The following PSD2 variants were observed in gnomAD, a reference collection of about 807,000 sequenced individuals.
The protein encoded by PSD2 is pleckstrin and Sec7 domain containing 2, also known as PH and SEC7 domain-containing protein 2.
PSD2 carries 38 observed loss-of-function variants against 69.8 expected under a neutral mutation model. The ratio of observed to expected loss-of-function variants is 0.54; its 90% confidence interval spans 0.42 to 0.71. The LOEUF (loss-of-function observed/expected upper bound fraction) is 0.71, where lower values mean the gene tolerates loss of function less well. Ranked by LOEUF, PSD2 falls within the 30% of genes least tolerant of loss-of-function variation. The probability of loss-of-function intolerance (pLI) is 0.00; values close to 1 mark genes in which losing one functional copy is unlikely to be tolerated. For missense variants in PSD2, 943 were observed against 1,014.5 expected (o/e 0.93, Z 0.96); for synonymous variants, 412 against 423.0 (o/e 0.97, Z 0.32).
At chr5:139,830,000 C>CTTT (rs929113143) in intron 7 of PSD2, among the ~76,000 whole-genome samples, 1 of 110,514 alleles carries the variant, frequency 9.0e-6, no homozygotes, top group Non-Finnish European at 1.9e-5. Context: ...CAACCCTTTT[C>CTTT]TTTTTTTTTG....
In PSD2 at chr5:139,839,249, C is replaced by T. The variant is rs536272565; in HGVS notation, c.1968+477C>T. On this transcript the variant is annotated intron_variant, in intron 13 of 14. Transcript: ENST00000274710. The surrounding 1 kb of genome is among the most constrained non-coding windows in gnomAD (Gnocchi z 5.1). ...GGAGAGGACAGGAGAAATGGTGGCCCGGAGCTTGAGAGGTAGAGGGCAGCG... is the reference window on the plus strand; with the variant it reads ...GGAGAGGACAGGAGAAATGGTGGCCTGGAGCTTGAGAGGTAGAGGGCAGCG... 3.3e-5 allele frequency among the ~76,000 whole-genome samples: 5 copies of T among 152,356 alleles called. No individual in the cohort carries two copies. Among genetic ancestry groups the T allele is most frequent in the East Asian group, 1.9e-4 (1 of 5,184 alleles).
chr5:139,779,950 C>T, the PSD2 span, among the ~76,000 whole-genome samples: 813 of 152,256 alleles, frequency 5.3e-3, 6 homozygotes, highest in African/African-American at 0.018. Flanking sequence ...TGGGCTGTTT[C>T]TAGTTTGGAA....
the PSD2 span, among the ~76,000 whole-genome samples, chr5:139,768,541 G>C: frequency 6.6e-6 from 1 of 152,060 alleles, no homozygotes; most frequent in Non-Finnish European, 1.5e-5. Context: ...TGACCAACAT[G>C]GAGAAACCCC....
At chr5:139,811,143 C>T (rs1249238857) in intron 2 of PSD2, among the ~76,000 whole-genome samples, 1 of 152,166 alleles carries the variant, frequency 6.6e-6, no homozygotes, top group Non-Finnish European at 1.5e-5. Context: ...TCCTTTCCTT[C>T]CAGAGGTCAG....
rs1224607817 is a variant in PSD2 at position 139,814,774 on chromosome 5, A to G, written c.1016+410A>G. 6.6e-6 allele frequency among the ~76,000 whole-genome samples: 1 copy of G among 152,084 alleles called. No homozygotes were observed. Among genetic ancestry groups the G allele is most frequent in the East Asian group, 1.9e-4 (1 of 5,156 alleles). ...GCTCAGGAAAGGGCTCCTGGCCTTC[A>G]TTAAGCCCTACTATCTATTGGGACA... On this transcript the variant is annotated intron_variant, in intron 4 of 14. Coordinates refer to ENST00000274710, the MANE Select transcript of PSD2 (RefSeq NM_032289.4). This position sits in a 1 kb window ranked among gnomAD's most constrained non-coding sequence, Gnocchi z 4.4.
the PSD2 span, among the ~76,000 whole-genome samples, chr5:139,770,754 A>G: frequency 6.6e-6 from 1 of 152,362 alleles, no homozygotes; most frequent in Non-Finnish European, 1.5e-5. Flanking sequence ...AGCTAAAAGC[A>G]GAGCATGTTG....
chr5:139,814,482 T>G lies in PSD2; in HGVS notation c.1016+118T>G. The G allele has an allele frequency of 2.3e-6, 2 of 869,434 alleles. No homozygotes were observed. Among genetic ancestry groups the G allele is most frequent in the Non-Finnish European group, 1.7e-6 (1 of 596,270 alleles). 53.9% of individuals were successfully genotyped at this position (869,434 alleles called of 1,614,324 possible). On this transcript the variant is annotated intron_variant, in intron 4 of 14. Coordinates refer to ENST00000274710, the MANE Select transcript of PSD2 (RefSeq NM_032289.4). The surrounding 1 kb of genome is among the most constrained non-coding windows in gnomAD (Gnocchi z 4.4). ...GGTGCTGGGGGGGCACTCCCAACAG[T>G]TCCCCAAGGACACCTCCTCCCGCCA...
At chr5:139,821,351 T>C (rs1258048700) in intron 5 of PSD2, among the ~76,000 whole-genome samples, 1 of 152,080 alleles carries the variant, frequency 6.6e-6, no homozygotes, top group Non-Finnish European at 1.5e-5. Flanking sequence ...GGGCACATGA[T>C]GAAGGTGGTG....
chr5:139,838,748 C>T lies in PSD2; in HGVS notation c.1944C>T (p.Pro648=). The T allele has an allele frequency of 2.5e-6, 4 of 1,613,280 alleles. No individual in the cohort carries two copies. The highest frequency in any genetic ancestry group is 3.4e-6 in the Non-Finnish European group (4 of 1,179,700). The change falls in exon 13 of 15, where the codon CCC becomes CCT. Residue 648 remains proline, a synonymous_variant. Coordinates refer to ENST00000274710, the MANE Select transcript of PSD2 (RefSeq NM_032289.4). ...AGAAGTTCTGTCGGCCCCTGCTGCC[C>T]TCCTGCACCACCCGCCTCTGCCAGG... ...SMKKFCRPLL[P]SCTTRLCQEE...
At chr5:139,811,397 C>T (rs1759956351) in intron 2 of PSD2, among the ~76,000 whole-genome samples, 1 of 152,116 alleles carries the variant, frequency 6.6e-6, no homozygotes, top group South Asian at 2.1e-4. Flanking sequence ...AACTCAGTCT[C>T]TGCTAGGCAG....
chr5:139,764,828 C>T, the PSD2 span, among the ~76,000 whole-genome samples: 1 of 152,196 alleles, frequency 6.6e-6, no homozygotes, highest in African/African-American at 2.4e-5. Context: ...ACCCTCCACA[C>T]CCGCCAGGAA....
At chr5:139,766,927 T>C in the PSD2 span, among the ~76,000 whole-genome samples, 9 of 18,408 alleles carry the variant, frequency 4.9e-4, 1 homozygote, top group African/African-American at 1.3e-3. Context: ...CTTCCTTCCT[T>C]CCCTTCTTTC....
chr5:139,792,831 TTCC>T (rs1022654718), upstream of PSD2, among the ~76,000 whole-genome samples: 11 of 150,112 alleles, frequency 7.3e-5, no homozygotes, highest in Non-Finnish European at 1.3e-4. Context: ...CCTTCCTTCC[TTCC>T]TTTCTTTCTT....
chr5:139,771,674 C>T, the PSD2 span, among the ~76,000 whole-genome samples: 2 of 152,184 alleles, frequency 1.3e-5, no homozygotes, highest in African/African-American at 2.4e-5. Flanking sequence ...CACCGCGCCC[C>T]GCAGCCTGCT....
At chr5:139,776,386 A>G in the PSD2 span, among the ~76,000 whole-genome samples, 1 of 152,222 alleles carries the variant, frequency 6.6e-6, no homozygotes, top group Non-Finnish European at 1.5e-5. Context: ...AGCTGAGAAC[A>G]TTGAGCAGAA....
chr5:139,745,754 G>T, the PSD2 span, among the ~76,000 whole-genome samples: 5 of 152,228 alleles, frequency 3.3e-5, no homozygotes, highest in African/African-American at 1.2e-4. Context: ...GGGGTCTCCT[G>T]TGTTCACGTG....
chr5:139,757,292 A>C, the PSD2 span, among the ~76,000 whole-genome samples: 1 of 152,212 alleles, frequency 6.6e-6, no homozygotes, highest in African/African-American at 2.4e-5. Flanking sequence ...TCCACTGCTT[A>C]CAGCCCTTGG....
upstream of PSD2, among the ~76,000 whole-genome samples, chr5:139,794,365 T>A (rs1347536063): frequency 1.3e-5 from 2 of 152,162 alleles, no homozygotes; most frequent in Non-Finnish European, 2.9e-5. Flanking sequence ...GGTGTCACCA[T>A]GGTTGATGAA....
rs529058855 is a variant in PSD2 at position 139,813,456 on chromosome 5, C to G, written c.519C>G (p.Cys173Trp). The G allele has an allele frequency of 6.2e-7, 1 of 1,614,050 alleles. No homozygotes were observed. ...GLSLTDESDS[C>W]VSFEAPLTPL... ...GCCTCACGGATGAGAGCGACAGCTG[C>G]GTCAGCTTCGAGGCCCCCCTCACAC... The change falls in exon 3 of 15, where the codon TGC becomes TGG. Residue 173 changes from cysteine (C) to tryptophan (W), a missense_variant. Cys to Trp is a radical substitution (Grantham distance 215, BLOSUM62 -2). This residue lies in a region of PSD2 where 466 missense variants were observed against 445.0 expected (regional missense o/e 1.05). Coordinates refer to ENST00000274710, the MANE Select transcript of PSD2 (RefSeq NM_032289.4).
Sources: gnomAD v4.1 joint callset for allele counts (sites outside exome capture counted in the v4.1 genomes callset) on GRCh38, gnomAD v4.1.1 for gene constraint, gnomAD v4.1.1 regional missense constraint, Gnocchi (gnomAD v3.1) non-coding constraint, MANE v1.5 for transcripts, NCBI Gene and HGNC (gene_info 2026-07-23, HGNC 2026-07-21) for gene names.